The following RALYL variants were observed in gnomAD, a reference collection of about 807,000 sequenced individuals.
RALYL encodes RNA-binding Raly-like protein.
A neutral mutation model predicts 35.1 loss-of-function variants in RALYL; 29 were observed. The observed-to-expected ratio is 0.83, with a 90% CI of 0.61 to 1.13. The LOEUF (loss-of-function observed/expected upper bound fraction) is 1.13, where lower values mean the gene tolerates loss of function less well. RALYL is among the 50% of genes most tolerant of loss of function. RALYL has a pLI of 0.00. For missense variants in RALYL, 359 were observed against 360.4 expected (o/e 1.00, Z 0.03); for synonymous variants, 120 against 127.6 (o/e 0.94, Z 0.40).
At chr8:84,620,313 A>T (rs564823764) in intron 2 of RALYL, among the ~76,000 whole-genome samples, 191 of 152,104 alleles carry the variant, frequency 1.3e-3, no homozygotes, top group African/African-American at 4.4e-3. Flanking sequence ...CTTTTTCTCT[A>T]AACTTCCCTT....
chr8:84,569,892 G>A (rs1299597932), intron 2 of RALYL, among the ~76,000 whole-genome samples: 2 of 151,734 alleles, frequency 1.3e-5, no homozygotes, highest in African/African-American at 4.8e-5. Context: ...AAATCAATCA[G>A]TTGTAGGTAT....
intron 4 of RALYL, among the ~76,000 whole-genome samples, chr8:84,844,220 C>T (rs1424171749): frequency 6.6e-6 from 1 of 152,148 alleles, no homozygotes; most frequent in Non-Finnish European, 1.5e-5. Context: ...ACCTACTCAT[C>T]TGATAAAGGG....
chr8:84,463,550 T>C (rs968700802), intron 1 of RALYL, among the ~76,000 whole-genome samples: 4 of 152,020 alleles, frequency 2.6e-5, no homozygotes, highest in Admixed American at 2.0e-4. Flanking sequence ...AATAGAAAAA[T>C]GCTGCATTTG....
intron 1 of RALYL, among the ~76,000 whole-genome samples, chr8:84,418,333 A>G (rs1265049428): frequency 6.6e-6 from 1 of 152,292 alleles, no homozygotes; most frequent in East Asian, 1.9e-4. Flanking sequence ...TTCTTATGGA[A>G]ATAAAATGAA....
intron 4 of RALYL, among the ~76,000 whole-genome samples, chr8:84,823,037 G>A (rs1311066978): frequency 4.6e-5 from 7 of 152,078 alleles, no homozygotes; most frequent in Non-Finnish European, 7.4e-5. Context: ...GCCAATCAAT[G>A]AATTGTTTTT....
At chr8:84,523,722 G>C (rs1012610261) in intron 1 of RALYL, among the ~76,000 whole-genome samples, 1 of 135,692 alleles carries the variant, frequency 7.4e-6, no homozygotes, top group African/African-American at 2.8e-5. Flanking sequence ...GTGTCCATGT[G>C]ATCTCATTGT....
intron 1 of RALYL, among the ~76,000 whole-genome samples, chr8:84,401,636 TC>T (rs2042914197): frequency 8.4e-4 from 23 of 27,502 alleles, no homozygotes; most frequent in Non-Finnish European, 1.2e-3. Flanking sequence ...AGACTCTGTC[TC>T]AAAAAAAAAA....
At chr8:84,539,864 A>ATATATATATG (rs1554713660) in intron 2 of RALYL, among the ~76,000 whole-genome samples, 7 of 99,550 alleles carry the variant, frequency 7.0e-5, no homozygotes, top group African/African-American at 2.6e-4. Flanking sequence ...GTATATATAT[A>ATATATATATG]TATATATATA....
intron 1 of RALYL, among the ~76,000 whole-genome samples, chr8:84,451,390 C>A (rs1170107847): frequency 6.6e-6 from 1 of 151,938 alleles, no homozygotes; most frequent in East Asian, 1.9e-4. Flanking sequence ...ATTCTGATGA[C>A]TGTAATATAT....
At chr8:84,457,783 A>G (rs1460013179) in intron 1 of RALYL, among the ~76,000 whole-genome samples, 1 of 151,528 alleles carries the variant, frequency 6.6e-6, no homozygotes, top group Non-Finnish European at 1.5e-5. Context: ...TTTGCTCTAA[A>G]CCTTAAGTCA....
At chr8:84,846,635 T>A (rs1256055484) in intron 4 of RALYL, among the ~76,000 whole-genome samples, 2 of 152,218 alleles carry the variant, frequency 1.3e-5, no homozygotes, top group Admixed American at 1.3e-4. Context: ...TGTGAATACA[T>A]CTGATCATGA....
rs147581013 is a variant in RALYL, at chr8:84,486,912, A to T, written c.-23-42387A>T. On this transcript the variant is annotated intron_variant, in intron 1 of 8. Transcript: ENST00000521268. ...TTATAGGAATAATGTTGTACAGTAG[A>T]TCTCTAGAATCGATTCATCTTGTAT... Among the ~76,000 whole-genome samples the T allele has an allele frequency of 1.5e-3, 226 of 152,170 alleles. 1 individual carries two copies. The highest frequency in any genetic ancestry group is 4.9e-3 in the African/African-American group (203 of 41,550).
At chr8:84,709,519 T>C (rs907565774) in intron 2 of RALYL, among the ~76,000 whole-genome samples, 5 of 152,072 alleles carry the variant, frequency 3.3e-5, no homozygotes, top group Non-Finnish European at 5.9e-5. Context: ...AAAGGTGGTG[T>C]ACTGCATTTG....
chr8:84,885,066 A>G (rs1222822346), intron 7 of RALYL, among the ~76,000 whole-genome samples: 1 of 152,062 alleles, frequency 6.6e-6, no homozygotes, highest in East Asian at 1.9e-4. Flanking sequence ...AAACTGTCCA[A>G]TGCTCGAGCT....
intron 1 of RALYL, among the ~76,000 whole-genome samples, chr8:84,442,254 CAT>C (rs1273559486): frequency 1.3e-5 from 2 of 152,072 alleles, no homozygotes; most frequent in Admixed American, 1.3e-4. Flanking sequence ...ACTGTAATAA[CAT>C]AGCTAAATTT....
chr8:84,365,866 G>C (rs1424722632), intron 1 of RALYL, among the ~76,000 whole-genome samples: 2 of 152,168 alleles, frequency 1.3e-5, no homozygotes, highest in African/African-American at 4.8e-5. Context: ...CATCTACTTA[G>C]CCAAATTGTG....
At chr8:84,255,059 T>G (rs1830964597) in intron 1 of RALYL, among the ~76,000 whole-genome samples, 3 of 152,096 alleles carry the variant, frequency 2.0e-5, no homozygotes, top group Admixed American at 1.3e-4. Context: ...GATTTTGGGT[T>G]GGGACACAGC....
At chr8:84,717,407 A>C (rs1466396760) in intron 2 of RALYL, among the ~76,000 whole-genome samples, 7 of 152,178 alleles carry the variant, frequency 4.6e-5, no homozygotes, top group Non-Finnish European at 1.0e-4. Flanking sequence ...TATTTCTCTT[A>C]GATTACTACT....
chr8:84,479,600 A>G (rs534006590), intron 1 of RALYL, among the ~76,000 whole-genome samples: 18 of 152,176 alleles, frequency 1.2e-4, no homozygotes, highest in Non-Finnish European at 2.1e-4. Context: ...TTTGTTCTGG[A>G]AACTATTATA....
Sources: allele counts gnomAD v4.1 joint callset (sites outside exome capture counted in the v4.1 genomes callset), GRCh38; gene constraint gnomAD v4.1.1; transcripts MANE v1.5; gene names NCBI Gene and HGNC (gene_info 2026-07-23, HGNC 2026-07-21).